PRKCA: variants seen among roughly 807,000 people sequenced by gnomAD.
PRKCA encodes the protein protein kinase C alpha type.
PRKCA carries 27 observed loss-of-function variants against 87.0 expected under a neutral mutation model. That is an observed-to-expected ratio of 0.31 (90% CI 0.23 to 0.43). PRKCA has a LOEUF of 0.43. Ranked by LOEUF, PRKCA falls within the 20% of genes least tolerant of loss-of-function variation. The probability of loss-of-function intolerance (pLI) is 1.00; values close to 1 mark genes in which losing one functional copy is unlikely to be tolerated. For synonymous variants in PRKCA, 329 were observed against 311.1 expected (o/e 1.06, Z -0.61); for missense variants, 518 against 852.3 (o/e 0.61, Z 4.88).
At chr17:66,628,622 G>A (rs780639002) in intron 3 of PRKCA, among the ~76,000 whole-genome samples, 84 of 152,054 alleles carry the variant, frequency 5.5e-4, no homozygotes, top group Non-Finnish European at 1.1e-3. Flanking sequence ...AAAAGAACAC[G>A]TGACCTAAAC....
At chr17:66,399,080 A>AATTTC (rs140227204) in intron 2 of PRKCA, among the ~76,000 whole-genome samples, 1 of 123,758 alleles carries the variant, frequency 8.1e-6, no homozygotes, top group Non-Finnish European at 1.6e-5. Flanking sequence ...GGTAGACAGC[A>AATTTC]TTTTCTTTTC....
chr17:66,367,286 A>G (rs1189905381), intron 2 of PRKCA, among the ~76,000 whole-genome samples: 1 of 152,254 alleles, frequency 6.6e-6, no homozygotes, highest in Non-Finnish European at 1.5e-5. Context: ...CCTTTGGCCA[A>G]GAATTCCTCA....
intron 5 of PRKCA, among the ~76,000 whole-genome samples, chr17:66,659,942 G>A (rs1971846225): frequency 6.6e-6 from 1 of 152,172 alleles, no homozygotes; most frequent in South Asian, 2.1e-4. Context: ...AAGGCGGGAA[G>A]GTGGAGGTTA....
At chr17:66,775,607 T>C in intron 14 of PRKCA, 2 of 985,392 alleles carry the variant, frequency 2.0e-6, no homozygotes, top group Non-Finnish European at 2.4e-6. Context: ...CCTGTGACTC[T>C]CCATAGCCAG....
chr17:66,675,141 C>T (rs1387482233), intron 5 of PRKCA, among the ~76,000 whole-genome samples: 2 of 152,206 alleles, frequency 1.3e-5, no homozygotes, highest in African/African-American at 2.4e-5. Context: ...GTTTACTTCT[C>T]ACAGTTATGG....
intron 2 of PRKCA, among the ~76,000 whole-genome samples, chr17:66,325,082 G>T (rs1905899058): frequency 6.6e-6 from 1 of 152,150 alleles, no homozygotes; most frequent in African/African-American, 2.4e-5. Flanking sequence ...TGGAAGTGCA[G>T]CATCTCAGAA....
chr17:66,648,807 T>C (rs1247498885), intron 5 of PRKCA, among the ~76,000 whole-genome samples: 2 of 152,096 alleles, frequency 1.3e-5, no homozygotes, highest in South Asian at 2.1e-4. Context: ...AAATAAGTGC[T>C]TACAGCCAGG....
intron 2 of PRKCA, among the ~76,000 whole-genome samples, chr17:66,440,105 T>C (rs1457931594): frequency 6.6e-6 from 1 of 152,214 alleles, no homozygotes; most frequent in Admixed American, 6.5e-5. Context: ...TTTATTTATT[T>C]CCTATGAAAT....
intron 16 of PRKCA, among the ~76,000 whole-genome samples, chr17:66,791,705 T>G (rs1975542077): frequency 6.6e-6 from 1 of 152,196 alleles, no homozygotes; most frequent in African/African-American, 2.4e-5. Context: ...GGTGACACGC[T>G]GGGGCAGAGA....
intron 13 of PRKCA, among the ~76,000 whole-genome samples, chr17:66,769,912 C>CA (rs1419283002): frequency 3.3e-5 from 5 of 152,212 alleles, no homozygotes; most frequent in Admixed American, 2.6e-4. Flanking sequence ...ATCATTTGAT[C>CA]AAAATTATAG....
At chr17:66,772,543 G>A (rs368843506) in intron 13 of PRKCA, among the ~76,000 whole-genome samples, 14 of 152,006 alleles carry the variant, frequency 9.2e-5, no homozygotes, top group Admixed American at 2.0e-4. Flanking sequence ...AGTTGTAAGC[G>A]AAATGGCAGA....
chr17:66,787,716 G>A (rs370389989), intron 15 of PRKCA, among the ~76,000 whole-genome samples: 15 of 151,878 alleles, frequency 9.9e-5, no homozygotes, highest in African/African-American at 2.7e-4. Context: ...TCACTACCCC[G>A]CCCCAAGATA....
intron 5 of PRKCA, among the ~76,000 whole-genome samples, chr17:66,675,535 A>G (rs1382285661): frequency 6.6e-6 from 1 of 152,192 alleles, no homozygotes; most frequent in African/African-American, 2.4e-5. Flanking sequence ...CTGCAGAACC[A>G]GGCTCTTGAA....
intron 2 of PRKCA, among the ~76,000 whole-genome samples, chr17:66,374,345 G>C (rs896246937): frequency 6.6e-6 from 1 of 152,120 alleles, no homozygotes; most frequent in Admixed American, 6.5e-5. Context: ...GTGGGGGAGC[G>C]CTGGGGTGTT....
intron 2 of PRKCA, 200 bp downstream of exon 2, chr17:66,306,327 GAA>G (rs141495406): frequency 0.029 from 8,374 of 293,716 alleles, no homozygotes; most frequent in Non-Finnish European, 0.033. Flanking sequence ...TTTCTCATTG[GAA>G]AAAAAAAAAA....
intron 5 of PRKCA, among the ~76,000 whole-genome samples, chr17:66,682,075 C>T (rs1972509456): frequency 6.6e-6 from 1 of 152,236 alleles, no homozygotes; most frequent in Non-Finnish European, 1.5e-5. Context: ...AGCAGCCCAT[C>T]TGCCTGTATC....
intron 14 of PRKCA, chr17:66,778,215 C>G (rs1975107734): frequency 2.0e-6 from 2 of 984,964 alleles, no homozygotes; most frequent in Non-Finnish European, 2.4e-6. Context: ...TCCATCATCT[C>G]TATTAAAAAC....
At chr17:66,720,711 T>C (rs913749209) in intron 8 of PRKCA, among the ~76,000 whole-genome samples, 2 of 152,238 alleles carry the variant, frequency 1.3e-5, no homozygotes, top group African/African-American at 4.8e-5. Context: ...TCAGATTAGC[T>C]GTGAATACAG....
intron 2 of PRKCA, among the ~76,000 whole-genome samples, chr17:66,307,795 A>T (rs1904900583): frequency 6.6e-6 from 1 of 152,204 alleles, no homozygotes; most frequent in Non-Finnish European, 1.5e-5. Flanking sequence ...TAAATTAAAA[A>T]AGTGAAACCC....
Sources: allele counts gnomAD v4.1 joint callset (sites outside exome capture counted in the v4.1 genomes callset), GRCh38; gene constraint gnomAD v4.1.1; transcripts MANE v1.5; gene names NCBI Gene and HGNC (gene_info 2026-07-23, HGNC 2026-07-21).